The following AHCYL2 variants were observed in gnomAD, a reference collection of about 807,000 sequenced individuals.
The protein encoded by AHCYL2 is S-adenosylhomocysteine hydrolase-like protein 2.
In AHCYL2, 28 loss-of-function variants were observed where a neutral mutation model predicts 81.4. That is an observed-to-expected ratio of 0.34 (90% CI 0.25 to 0.47). AHCYL2 has a LOEUF of 0.47. Ranked by LOEUF, AHCYL2 falls within the 20% of genes least tolerant of loss-of-function variation. The probability of loss-of-function intolerance (pLI) is 1.00; values close to 1 mark genes in which losing one functional copy is unlikely to be tolerated. For synonymous variants in AHCYL2, 272 were observed against 290.2 expected (o/e 0.94, Z 0.64); for missense variants, 551 against 785.1 (o/e 0.70, Z 3.56).
chr7:129,227,526 C>CG (rs1446075364), intron 1 of AHCYL2, among the ~76,000 whole-genome samples: 3 of 137,460 alleles, frequency 2.2e-5, no homozygotes, highest in Non-Finnish European at 4.6e-5. Flanking sequence ...CTCAGGAGGC[C>CG]GGGGTGGGAG....
At chr7:129,269,892 A>G (rs1227600398) in intron 1 of AHCYL2, among the ~76,000 whole-genome samples, 1 of 152,196 alleles carries the variant, frequency 6.6e-6, no homozygotes. Context: ...ACATTAAAAT[A>G]TATTCTTTAT....
chr7:129,249,374 C>G (rs1795169986), intron 1 of AHCYL2, among the ~76,000 whole-genome samples: 1 of 152,074 alleles, frequency 6.6e-6, no homozygotes, highest in Non-Finnish European at 1.5e-5. Flanking sequence ...CTATCTATAC[C>G]CAAAACTTTT....
intron 11 of AHCYL2, among the ~76,000 whole-genome samples, chr7:129,411,466 G>A (rs937931321): frequency 3.3e-5 from 5 of 152,020 alleles, no homozygotes; most frequent in African/African-American, 1.2e-4. Context: ...TTTTTAAAAA[G>A]GAATCATTTA....
intron 11 of AHCYL2, among the ~76,000 whole-genome samples, chr7:129,413,185 A>G (rs1450078687): frequency 1.4e-5 from 2 of 138,236 alleles, no homozygotes; most frequent in African/African-American, 5.6e-5. Flanking sequence ...TCTGTCACCC[A>G]GGCTGGAGTG....
At chr7:129,257,706 A>C (rs1795475522) in intron 1 of AHCYL2, among the ~76,000 whole-genome samples, 1 of 152,170 alleles carries the variant, frequency 6.6e-6, no homozygotes, top group African/African-American at 2.4e-5. Flanking sequence ...GTTCTTGTGG[A>C]AAGTAATTTG....
chr7:129,266,750 T>G (rs1795824330), intron 1 of AHCYL2, among the ~76,000 whole-genome samples: 1 of 152,178 alleles, frequency 6.6e-6, no homozygotes, highest in Non-Finnish European at 1.5e-5. Context: ...ATTACATACC[T>G]TTGGAGGATT....
rs1167488176 is a variant in AHCYL2 at position 129,298,003 on chromosome 7, T to G, written c.363+72564T>G. Among the ~76,000 whole-genome samples the G allele has an allele frequency of 5.3e-5, 8 of 152,310 alleles. No homozygotes were observed. The East Asian group carries it at 1.5e-3, about 29-fold the overall frequency. On this transcript the variant is annotated intron_variant, in intron 1 of 16. Transcript: ENST00000325006. Reference sequence around the variant, plus strand: ...ATGATCCTGCCCCTGCATTCCAGCTTGGGTGACAGCGAGATCCTGTCTCCA... The same window carrying G: ...ATGATCCTGCCCCTGCATTCCAGCTGGGGTGACAGCGAGATCCTGTCTCCA...
At chr7:129,242,367 C>T (rs1240275324) in intron 1 of AHCYL2, among the ~76,000 whole-genome samples, 1 of 150,568 alleles carries the variant, frequency 6.6e-6, no homozygotes, top group African/African-American at 2.4e-5. Context: ...CAACCTTACT[C>T]ATGTTTCCTT....
chr7:129,280,811 A>G (rs1025993934), intron 1 of AHCYL2, among the ~76,000 whole-genome samples: 1 of 150,802 alleles, frequency 6.6e-6, no homozygotes. Context: ...TTCTGTATCT[A>G]TTGAAATGAT....
In AHCYL2 at chr7:129,335,657, A is replaced by G. The variant is rs561886635; in HGVS notation, c.364-43981A>G. On this transcript the variant is annotated intron_variant, in intron 1 of 16. Coordinates refer to ENST00000325006, the MANE Select transcript of AHCYL2 (RefSeq NM_015328.4). Reference sequence around the variant, plus strand: ...GCTACATGTCCAAGATGGCTCATTCACATGGCTGGCAGTTGATTTTGGCCA... The same window carrying G: ...GCTACATGTCCAAGATGGCTCATTCGCATGGCTGGCAGTTGATTTTGGCCA... Among the ~76,000 whole-genome samples, 3 of 152,354 alleles carry G rather than the reference A, an allele frequency of 2.0e-5. No homozygotes were observed. The East Asian group carries it at 5.8e-4, about 29-fold the overall frequency.
intron 1 of AHCYL2, among the ~76,000 whole-genome samples, chr7:129,326,788 G>A (rs576961650): frequency 7.2e-5 from 11 of 152,264 alleles, no homozygotes; most frequent in African/African-American, 2.4e-4. Flanking sequence ...GAGAGAAACC[G>A]AGGGTAGCTA....
chr7:129,396,541 C>G (rs1014317831), intron 4 of AHCYL2, among the ~76,000 whole-genome samples: 1 of 152,148 alleles, frequency 6.6e-6, no homozygotes, highest in African/African-American at 2.4e-5. Flanking sequence ...CCTGCCTCAG[C>G]CTCCCGAGTA....
At position 129,225,327 on chromosome 7, in the gene AHCYL2, C is replaced by G. The variant is rs1794171089; in HGVS notation, c.251C>G (p.Ser84Trp). ...SPAAGKVPQA[S>W]AMKRSDPHHQ... Reference sequence around the variant, plus strand: ...GCCGCCGGGAAGGTGCCTCAGGCGTCGGCCATGAAGCGGAGCGACCCACAT... The same window carrying G: ...GCCGCCGGGAAGGTGCCTCAGGCGTGGGCCATGAAGCGGAGCGACCCACAT... The change falls in exon 1 of 17, where the codon TCG becomes TGG. Residue 84 changes from serine to tryptophan, a missense_variant. By Grantham distance (177) the Ser-to-Trp change is radical. Around this residue, in one of 2 missense-constraint regions of AHCYL2, gnomAD observed 235 missense variants for 242.1 expected, o/e 0.97. Transcript: ENST00000325006. 6.7e-7 allele frequency: 1 copy of G among 1,494,162 alleles called. No homozygotes were observed. The highest frequency in any genetic ancestry group is 8.8e-7 in the Non-Finnish European group (1 of 1,130,086). The allele number at this position is 1,494,162 out of a possible 1,614,324, so 92.6% of individuals were successfully genotyped here. A position where few individuals can be genotyped will look rare whatever the true frequency, so the allele number is the denominator to read the frequency against.
At chr7:129,299,325 G>C (rs568654293) in intron 1 of AHCYL2, among the ~76,000 whole-genome samples, 2 of 126,514 alleles carry the variant, frequency 1.6e-5, no homozygotes, top group African/African-American at 5.9e-5. Flanking sequence ...TGGCTCACCT[G>C]TAGTTTCAAC....
At chr7:129,396,243 C>G (rs1795733885) in intron 4 of AHCYL2, among the ~76,000 whole-genome samples, 1 of 152,258 alleles carries the variant, frequency 6.6e-6, no homozygotes, top group African/African-American at 2.4e-5. Context: ...CTGGCTCAGC[C>G]TCCCGAGTAG....
At chr7:129,256,552 C>CCA (rs1373915417) in intron 1 of AHCYL2, among the ~76,000 whole-genome samples, 1 of 130,990 alleles carries the variant, frequency 7.6e-6, no homozygotes, top group East Asian at 2.6e-4. Context: ...ACCCCCCACC[C>CCA]CCCCCCCGCC....
intron 1 of AHCYL2, among the ~76,000 whole-genome samples, chr7:129,275,208 C>T (rs1460134136): frequency 6.6e-6 from 1 of 151,932 alleles, no homozygotes; most frequent in African/African-American, 2.4e-5. Flanking sequence ...CATATTGAAA[C>T]CCAATCTCTA....
At chr7:129,309,291 C>A (rs1212310000) in intron 1 of AHCYL2, among the ~76,000 whole-genome samples, 1 of 151,786 alleles carries the variant, frequency 6.6e-6, no homozygotes, top group South Asian at 2.1e-4. Flanking sequence ...GTAATCCCAG[C>A]ACTTTGGGAG....
intron 1 of AHCYL2, among the ~76,000 whole-genome samples, chr7:129,365,242 C>A (rs1794066469): frequency 6.6e-6 from 1 of 152,038 alleles, no homozygotes; most frequent in African/African-American, 2.4e-5. Context: ...GTAGAACTAT[C>A]ATTCCTTTAA....
Sources: gnomAD v4.1 joint callset for allele counts (sites outside exome capture counted in the v4.1 genomes callset) on GRCh38, gnomAD v4.1.1 for gene constraint, gnomAD v4.1.1 regional missense constraint, MANE v1.5 for transcripts, NCBI Gene and HGNC (gene_info 2026-07-23, HGNC 2026-07-21) for gene names.